Variants in CALN1 observed in about 807,000 individuals in gnomAD.
CALN1 encodes the protein calneuron 1.
A neutral mutation model predicts 30.6 loss-of-function variants in CALN1; 17 were observed. That is an observed-to-expected ratio of 0.56 (90% CI 0.38 to 0.83). The LOEUF (loss-of-function observed/expected upper bound fraction) is 0.83. Among genes scored for constraint, CALN1 ranks in the 40% least tolerant of loss-of-function variants. The pLI is 0.00. For missense variants in CALN1, 291 were observed against 354.9 expected, an observed-to-expected ratio of 0.82 and a Z score of 1.45; for synonymous variants, 156 against 131.4, an observed-to-expected ratio of 1.19 and a Z score of -1.28.
intron 2 of CALN1, among the ~76,000 whole-genome samples, chr7:72,319,535 C>A (rs1417227233): frequency 6.6e-6 from 1 of 152,150 alleles, no homozygotes; most frequent in Non-Finnish European, 1.5e-5. Flanking sequence ...GGGGACACAG[C>A]CAAACCATAT....
upstream of CALN1, among the ~76,000 whole-genome samples, chr7:72,414,591 T>C (rs1193897760): frequency 6.6e-6 from 1 of 152,152 alleles, no homozygotes; most frequent in Non-Finnish European, 1.5e-5. Flanking sequence ...TGGCCCCCAG[T>C]CTGGATAATT....
At chr7:72,197,099 C>T (rs1791070072) in intron 3 of CALN1, among the ~76,000 whole-genome samples, 1 of 151,742 alleles carries the variant, frequency 6.6e-6, no homozygotes, top group Non-Finnish European at 1.5e-5. Context: ...TTTGGATTGC[C>T]CTAATTTCTT....
intron 3 of CALN1, among the ~76,000 whole-genome samples, chr7:72,196,563 T>C (rs1791017455): frequency 6.6e-6 from 1 of 152,110 alleles, no homozygotes; most frequent in Non-Finnish European, 1.5e-5. Flanking sequence ...ATCAAGCTGT[T>C]ACCAAAAAAG....
chr7:72,024,565 A>G (rs1412900867), intron 4 of CALN1, among the ~76,000 whole-genome samples: 3 of 151,902 alleles, frequency 2.0e-5, no homozygotes, highest in Admixed American at 6.6e-5. Flanking sequence ...AGCCTGGCTA[A>G]TTTTTGTATT....
At chr7:72,382,533 G>C (rs1317311839) in intron 2 of CALN1, among the ~76,000 whole-genome samples, 1 of 152,104 alleles carries the variant, frequency 6.6e-6, no homozygotes, top group East Asian at 1.9e-4. Flanking sequence ...GTAATGCTGA[G>C]GTTTGAGGTA....
At chr7:72,395,079 ACT>A (rs1562944803) in intron 2 of CALN1, among the ~76,000 whole-genome samples, 1 of 152,050 alleles carries the variant, frequency 6.6e-6, no homozygotes. Flanking sequence ...TAACACATAA[ACT>A]CTATGGTAAG....
intron 1 of CALN1, among the ~76,000 whole-genome samples, chr7:72,411,059 A>C (rs1246934058): frequency 2.0e-5 from 3 of 152,236 alleles, no homozygotes; most frequent in Non-Finnish European, 1.5e-5. Context: ...TTAGAATAAG[A>C]CCAACATACA....
intron 4 of CALN1, among the ~76,000 whole-genome samples, chr7:72,093,935 T>C (rs1278092417): frequency 3.3e-5 from 5 of 152,166 alleles, no homozygotes; most frequent in Admixed American, 2.0e-4. Flanking sequence ...GAAAACTGAT[T>C]CCCAAAGTCT....
chr7:72,276,042 G>A (rs962959281), intron 3 of CALN1, among the ~76,000 whole-genome samples: 24 of 152,302 alleles, frequency 1.6e-4, no homozygotes, highest in African/African-American at 5.5e-4. Context: ...AGTTGGGAAG[G>A]AGGAAGGGGG....
At chr7:72,408,626 A>G (rs1171606631) in intron 1 of CALN1, among the ~76,000 whole-genome samples, 2 of 148,650 alleles carry the variant, frequency 1.3e-5, no homozygotes, top group Admixed American at 6.7e-5. Flanking sequence ...CAAGGATTGC[A>G]TGGTGGTCAT....
chr7:72,015,384 GA>G (rs1330444267), intron 5 of CALN1, among the ~76,000 whole-genome samples: 3 of 151,558 alleles, frequency 2.0e-5, no homozygotes, highest in Non-Finnish European at 4.4e-5. Flanking sequence ...GGTCAGTATT[GA>G]ATATTCAATT....
At chr7:72,047,598 A>G (rs1029226056) in intron 4 of CALN1, among the ~76,000 whole-genome samples, 2 of 152,176 alleles carry the variant, frequency 1.3e-5, no homozygotes, top group Non-Finnish European at 2.9e-5. Flanking sequence ...CAATAAGATA[A>G]AATAGAAAAG....
chr7:71,998,429 A>G (rs1425897108), intron 5 of CALN1, among the ~76,000 whole-genome samples: 2 of 152,170 alleles, frequency 1.3e-5, no homozygotes, highest in Non-Finnish European at 2.9e-5. Context: ...TCTTGTACTC[A>G]AGACAATGAT....
intron 1 of CALN1, among the ~76,000 whole-genome samples, chr7:72,422,947 G>A (rs554426819): frequency 3.9e-5 from 6 of 152,072 alleles, no homozygotes; most frequent in Non-Finnish European, 8.8e-5. Flanking sequence ...TGGCCAACAC[G>A]GCGAAACCTC....
At chr7:72,232,076 G>A (rs1304685246) in intron 3 of CALN1, among the ~76,000 whole-genome samples, 4 of 152,178 alleles carry the variant, frequency 2.6e-5, no homozygotes, top group African/African-American at 7.2e-5. Flanking sequence ...GGCCAAAGGA[G>A]AAGGGTCAAA....
At chr7:72,114,622 G>A (rs142928557) in intron 3 of CALN1, among the ~76,000 whole-genome samples, 4 of 152,138 alleles carry the variant, frequency 2.6e-5, no homozygotes, top group Admixed American at 6.6e-5. Context: ...TGCAAATAAT[G>A]ATCAACTGAC....
chr7:71,914,128 T>C (rs1211507539), intron 5 of CALN1, among the ~76,000 whole-genome samples: 3 of 152,174 alleles, frequency 2.0e-5, no homozygotes, highest in Admixed American at 6.5e-5. Context: ...TGGGGGTCTG[T>C]TGTACAGATT....
intron 4 of CALN1, among the ~76,000 whole-genome samples, chr7:72,077,671 AT>A (rs1804843664): frequency 6.6e-6 from 1 of 152,152 alleles, no homozygotes; most frequent in Admixed American, 6.5e-5. Context: ...ATGTGTGTAT[AT>A]GTGTTTGCAA....
At chr7:72,377,484 T>C (rs1804638204) in intron 2 of CALN1, among the ~76,000 whole-genome samples, 1 of 149,352 alleles carries the variant, frequency 6.7e-6, no homozygotes, top group Admixed American at 6.7e-5. Flanking sequence ...TTTGCATGTA[T>C]TATAATTTTT....
Sources: gnomAD v4.1 joint callset for allele counts (sites outside exome capture counted in the v4.1 genomes callset) on GRCh38, gnomAD v4.1.1 for gene constraint, MANE v1.5 for transcripts, NCBI Gene and HGNC (gene_info 2026-07-23, HGNC 2026-07-21) for gene names.